The following FAM184A variants were observed in gnomAD, a reference collection of about 807,000 sequenced individuals.
FAM184A encodes the protein protein FAM184A.
A neutral mutation model predicts 143.8 loss-of-function variants in FAM184A; 99 were observed. The ratio of observed to expected loss-of-function variants is 0.69; its 90% CI spans 0.58 to 0.81. FAM184A has a LOEUF of 0.81. FAM184A is among the 40% of genes least tolerant of loss of function. FAM184A has a pLI of 0.00. For missense variants in FAM184A, 1,217 were observed against 1,310.5 expected (o/e 0.93, Z 1.10); for synonymous variants, 427 against 446.4 (o/e 0.96, Z 0.55).
chr6:118,970,477 AT>A (rs1457345626), intron 14 of FAM184A, among the ~76,000 whole-genome samples: 1 of 152,108 alleles, frequency 6.6e-6, no homozygotes, highest in African/African-American at 2.4e-5. Flanking sequence ...AAAGGATAAA[AT>A]TTTTCAGTAG....
intron 1 of FAM184A, among the ~76,000 whole-genome samples, chr6:119,091,951 GC>G (rs1402765064): frequency 6.6e-6 from 1 of 152,176 alleles, no homozygotes; most frequent in Non-Finnish European, 1.5e-5. Context: ...TGGGTCCATT[GC>G]ACTAGCATTG....
At chr6:119,137,202 C>A (rs1292136336) in intron 1 of FAM184A, among the ~76,000 whole-genome samples, 1 of 152,148 alleles carries the variant, frequency 6.6e-6, no homozygotes, top group Non-Finnish European at 1.5e-5. Context: ...CTGGTGAGGG[C>A]TCTCTTCTTG....
chr6:118,994,528 T>TA (rs1554266730), intron 9 of FAM184A, among the ~76,000 whole-genome samples: 1 of 151,178 alleles, frequency 6.6e-6, no homozygotes, highest in Non-Finnish European at 1.5e-5. Flanking sequence ...CTACTAAAAA[T>TA]ACAAAAAATC....
At chr6:119,056,933 T>C (rs1000525258) in intron 1 of FAM184A, among the ~76,000 whole-genome samples, 1 of 152,180 alleles carries the variant, frequency 6.6e-6, no homozygotes, top group Admixed American at 6.5e-5. Flanking sequence ...AGGATAGAAA[T>C]AAGAACTTAA....
chr6:119,078,047 C>T lies in FAM184A; in HGVS notation c.159+94G>A. On this transcript the variant is annotated intron_variant, in intron 1 of 17. Coordinates refer to ENST00000338891, the MANE Select transcript of FAM184A (RefSeq NM_024581.6). The surrounding 1 kb of genome is among the most constrained non-coding windows in gnomAD (Gnocchi z 5.5). ...CGGCGGAGGAGTAGAGTTCCCCTCG[C>T]TGCGGGCGCAGGGCGCACTGCCTCC... is the stretch of plus-strand genomic sequence containing the variant. 7.1e-7 allele frequency: 1 copy of T among 1,414,360 alleles called. No individual in the cohort carries two copies. Among genetic ancestry groups the T allele is most frequent in the Non-Finnish European group, 9.4e-7 (1 of 1,060,120 alleles). The allele number at this position is 1,414,360 out of a possible 1,614,324, so 87.6% of individuals were successfully genotyped here.
At chr6:118,990,168 G>C (rs1010150106) in intron 9 of FAM184A, among the ~76,000 whole-genome samples, 1 of 152,176 alleles carries the variant, frequency 6.6e-6, no homozygotes, top group African/African-American at 2.4e-5. Flanking sequence ...AGTACTAGAA[G>C]TTAAACTAAA....
chr6:119,140,561 C>G (rs1213188408), intron 1 of FAM184A, among the ~76,000 whole-genome samples: 2 of 152,222 alleles, frequency 1.3e-5, no homozygotes, highest in African/African-American at 4.8e-5. Flanking sequence ...CGCTTTCTTT[C>G]AGTCCTTGTA....
At chr6:119,012,512 T>C (rs1785118428) in intron 5 of FAM184A, among the ~76,000 whole-genome samples, 1 of 152,228 alleles carries the variant, frequency 6.6e-6, no homozygotes, top group Admixed American at 6.5e-5. Context: ...GTGTGAAATG[T>C]TGTCCTTATA....
Position 119,006,435 on chromosome 6 carries a change from T to A in FAM184A, c.1815+12A>T. Reference sequence around the variant, plus strand: ...TGCCGCTGTTTAGATTGCAGTAGAATTATGAAATTACCTCCACATTTAATA... The same window carrying A: ...TGCCGCTGTTTAGATTGCAGTAGAAATATGAAATTACCTCCACATTTAATA... On this transcript the variant is annotated intron_variant, in intron 7 of 17. Coordinates refer to ENST00000338891, the MANE Select transcript of FAM184A (RefSeq NM_024581.6). 6.2e-7 allele frequency: 1 copy of A among 1,605,886 alleles called. No homozygotes were observed. Among genetic ancestry groups the A allele is most frequent in the Non-Finnish European group, 8.5e-7 (1 of 1,176,962 alleles).
chr6:119,126,420 G>A (rs1789367217), intron 1 of FAM184A, among the ~76,000 whole-genome samples: 1 of 152,222 alleles, frequency 6.6e-6, no homozygotes, highest in Non-Finnish European at 1.5e-5. Context: ...ACTGGACTGT[G>A]GGCACTGGAG....
At chr6:119,011,481 A>G (rs1334147514) in intron 5 of FAM184A, 50 bp from the exon 6 acceptor site, 5 of 1,102,016 alleles carry the variant, frequency 4.5e-6, no homozygotes, top group Non-Finnish European at 6.4e-6. Context: ...AGTATTATAT[A>G]CTTTGAAGAC....
Position 118,975,209 on chromosome 6 carries a change from CTG to C in FAM184A, c.2584-3_2584-2del, listed in dbSNP as rs570696594. On this transcript the variant is annotated splice_acceptor_variant and splice_polypyrimidine_tract_variant and intron_variant, in intron 12 of 17. Coordinates refer to ENST00000338891, the MANE Select transcript of FAM184A (RefSeq NM_024581.6). LOFTEE classifies it high-confidence loss of function. ...TAATTCTACATATGTGCTCCTTACTCTGTTAAAAAAAAAAAGTCATTTTTAGA... is the reference window on the plus strand; with the variant it reads ...TAATTCTACATATGTGCTCCTTACTCTTAAAAAAAAAAAGTCATTTTTAGA... 1.1e-4 allele frequency: 169 copies of C among 1,513,682 alleles called. No individual in the cohort carries two copies. In the Admixed American group the frequency reaches 1.8e-3, roughly 16 times the overall value. The allele number at this position is 1,513,682 out of a possible 1,614,324, so 93.8% of individuals were successfully genotyped here. A position where few individuals can be genotyped will look rare whatever the true frequency, so the allele number is the denominator to read the frequency against.
intron 3 of FAM184A, among the ~76,000 whole-genome samples, chr6:119,022,713 A>G (rs1785490477): frequency 6.6e-6 from 1 of 151,968 alleles, no homozygotes; most frequent in Non-Finnish European, 1.5e-5. Flanking sequence ...CATCTCTACT[A>G]AAAATACAAA....
chr6:118,979,223 T>C (rs1783943912), intron 11 of FAM184A, 142 bp downstream of exon 11: 2 of 751,060 alleles, frequency 2.7e-6, no homozygotes. Context: ...TGTGGTAACT[T>C]CAAATAAAAT....
chr6:118,963,122 G>A (rs1281626925), intron 16 of FAM184A: 1 of 151,940 alleles, frequency 6.6e-6, no homozygotes, highest in Non-Finnish European at 1.5e-5. Context: ...TCACTATTAG[G>A]AGTCAAAAGT....
At position 118,963,818 on chromosome 6, in the gene FAM184A, C is replaced by T. The variant is rs370886553; in HGVS notation, c.3138+849G>A. 8 of 151,698 alleles carry T rather than the reference C, an allele frequency of 5.3e-5. No homozygotes were observed. In the South Asian group the frequency reaches 1.0e-3, roughly 20 times the overall value. 9.4% of individuals were successfully genotyped at this position (151,698 alleles called of 1,614,324 possible). A position where few individuals can be genotyped will look rare whatever the true frequency, so the allele number is the denominator to read the frequency against. On this transcript the variant is annotated intron_variant, in intron 16 of 17. Coordinates refer to ENST00000338891, the MANE Select transcript of FAM184A (RefSeq NM_024581.6). The stretch of plus-strand genomic sequence containing the variant: ...TATTCTTTATGACTTCCTTTATTCA[C>T]AGAATAATTTGTGGTGGCTTATAGG...
intron 1 of FAM184A, among the ~76,000 whole-genome samples, chr6:119,077,718 T>A (rs954058766): frequency 2.6e-5 from 4 of 152,242 alleles, no homozygotes; most frequent in African/African-American, 9.6e-5. Flanking sequence ...CTTAACTGAG[T>A]AACCAGTAAG....
intron 1 of FAM184A, among the ~76,000 whole-genome samples, chr6:119,098,880 C>A (rs535445877): frequency 2.6e-5 from 4 of 152,120 alleles, no homozygotes; most frequent in South Asian, 2.1e-4. Context: ...GAGGCCGATG[C>A]GGGTGGATCA....
chr6:119,053,866 G>A (rs1242948577), intron 1 of FAM184A, among the ~76,000 whole-genome samples: 2 of 152,144 alleles, frequency 1.3e-5, no homozygotes, highest in South Asian at 2.1e-4. Context: ...TTAGAGAAGC[G>A]TCTGTGTTTT....
Sources: gnomAD v4.1 joint callset for allele counts (sites outside exome capture counted in the v4.1 genomes callset) on GRCh38, gnomAD v4.1.1 for gene constraint, Gnocchi (gnomAD v3.1) non-coding constraint, MANE v1.5 for transcripts, NCBI Gene and HGNC (gene_info 2026-07-23, HGNC 2026-07-21) for gene names.